CWF19L2: variants seen among roughly 807,000 people sequenced by gnomAD.
The protein encoded by CWF19L2 is CWF19 like cell cycle control factor 2.
CWF19L2 carries 98 observed loss-of-function variants against 111.7 expected under a neutral mutation model. The observed-to-expected ratio is 0.88, with a 90% CI of 0.75 to 1.04. The LOEUF (loss-of-function observed/expected upper bound fraction) is 1.04. CWF19L2 is among the 50% of genes least tolerant of loss of function. The pLI is 0.00. For missense variants in CWF19L2, 1,101 were observed against 1,051.4 expected, an observed-to-expected ratio of 1.05 and a Z score of -0.65; for synonymous variants, 351 against 342.9, an observed-to-expected ratio of 1.02 and a Z score of -0.26.
intron 14 of CWF19L2, among the ~76,000 whole-genome samples, chr11:107,346,102 T>C (rs1860076069): frequency 6.6e-6 from 1 of 152,202 alleles, no homozygotes; most frequent in African/African-American, 2.4e-5. Context: ...GGTCCTTTTG[T>C]ATCACCACAG....
intron 8 of CWF19L2, among the ~76,000 whole-genome samples, chr11:107,421,162 A>G (rs1305430144): frequency 1.3e-5 from 2 of 152,112 alleles, no homozygotes. Flanking sequence ...CTCAACTATA[A>G]TACTTGGAAA....
chr11:107,408,735 T>G (rs1861116291), intron 10 of CWF19L2, among the ~76,000 whole-genome samples: 1 of 151,928 alleles, frequency 6.6e-6, no homozygotes, highest in South Asian at 2.1e-4. Context: ...CCTTTTTTAC[T>G]TGGCTGGGGA....
At chr11:107,392,096 C>T (rs1860856934) in intron 11 of CWF19L2, among the ~76,000 whole-genome samples, 1 of 152,278 alleles carries the variant, frequency 6.6e-6, no homozygotes, top group South Asian at 2.1e-4. Context: ...CATATCCATC[C>T]CACTTCTATT....
intron 11 of CWF19L2, among the ~76,000 whole-genome samples, chr11:107,392,178 A>C (rs1860858495): frequency 6.6e-6 from 1 of 152,204 alleles, no homozygotes; most frequent in South Asian, 2.1e-4. Context: ...TTTGACAGAA[A>C]TATTCTGAAT....
intron 12 of CWF19L2, among the ~76,000 whole-genome samples, chr11:107,367,171 G>C (rs11212188): frequency 0.062 from 6,510 of 105,130 alleles, 276 homozygotes; most frequent in Middle Eastern, 0.15. Flanking sequence ...AAAAAGTCAG[G>C]AAACAACAGG....
intron 12 of CWF19L2, among the ~76,000 whole-genome samples, chr11:107,358,433 C>T (rs1439474762): frequency 6.6e-6 from 1 of 151,894 alleles, no homozygotes; most frequent in African/African-American, 2.4e-5. Context: ...TGTCCTGGGC[C>T]ACATGTGGCC....
At chr11:107,438,054 T>C (rs1565284886) in intron 6 of CWF19L2, among the ~76,000 whole-genome samples, 2 of 152,134 alleles carry the variant, frequency 1.3e-5, no homozygotes, top group Admixed American at 1.3e-4. Flanking sequence ...TTTAGTAAAA[T>C]TGCTAAATTA....
At chr11:107,380,222 A>T (rs1860664619) in intron 12 of CWF19L2, among the ~76,000 whole-genome samples, 1 of 152,134 alleles carries the variant, frequency 6.6e-6, no homozygotes, top group Non-Finnish European at 1.5e-5. Context: ...AATAGACTGC[A>T]GTCTAATTCT....
At chr11:107,443,933 CT>C (rs1861667099) in intron 3 of CWF19L2, among the ~76,000 whole-genome samples, 1 of 152,144 alleles carries the variant, frequency 6.6e-6, no homozygotes, top group African/African-American at 2.4e-5. Flanking sequence ...TGTGCCTATC[CT>C]TATTTCCAGT....
At chr11:107,327,785 G>A (rs1390132464) in intron 17 of CWF19L2, among the ~76,000 whole-genome samples, 1 of 152,012 alleles carries the variant, frequency 6.6e-6, no homozygotes, top group Non-Finnish European at 1.5e-5. Context: ...ATGCTTAGAG[G>A]GAGGGCAGTA....
At chr11:107,422,407 G>A (rs879841914) in intron 8 of CWF19L2, among the ~76,000 whole-genome samples, 9 of 152,052 alleles carry the variant, frequency 5.9e-5, no homozygotes, top group African/African-American at 9.7e-5. Context: ...AAAGAAAGCA[G>A]ATGTGGTTGC....
chr11:107,416,171 C>T (rs1591192096), intron 10 of CWF19L2, 38 bp downstream of exon 10: 1 of 639,168 alleles, frequency 1.6e-6, no homozygotes, highest in East Asian at 3.5e-5. Flanking sequence ...TGGTAGTTTA[C>T]ACAAGGTAAT....
intron 7 of CWF19L2, among the ~76,000 whole-genome samples, chr11:107,433,110 T>A (rs1861487553): frequency 6.6e-6 from 1 of 152,146 alleles, no homozygotes; most frequent in African/African-American, 2.4e-5. Flanking sequence ...ATCTTACTAC[T>A]TTCTAAACCT....
intron 10 of CWF19L2, among the ~76,000 whole-genome samples, chr11:107,405,005 T>C (rs1362970761): frequency 6.6e-6 from 1 of 152,220 alleles, no homozygotes; most frequent in Non-Finnish European, 1.5e-5. Context: ...GGCTTAAGAA[T>C]CTGTATCAGT....
intron 10 of CWF19L2, among the ~76,000 whole-genome samples, chr11:107,407,854 T>C (rs909982888): frequency 8.5e-5 from 13 of 152,066 alleles, no homozygotes; most frequent in Non-Finnish European, 2.9e-5. Context: ...AAAAATTTTT[T>C]AACTACCCCA....
intron 7 of CWF19L2, among the ~76,000 whole-genome samples, chr11:107,433,045 T>C (rs1313525446): frequency 6.6e-6 from 1 of 152,216 alleles, no homozygotes; most frequent in Non-Finnish European, 1.5e-5. Flanking sequence ...GGGCATATTC[T>C]ACGAGTCTAC....
At chr11:107,337,331 T>C (rs527557169) in intron 14 of CWF19L2, among the ~76,000 whole-genome samples, 6 of 151,272 alleles carry the variant, frequency 4.0e-5, no homozygotes, top group Non-Finnish European at 7.4e-5. Flanking sequence ...TATACAACTA[T>C]ACACACAAAT....
chr11:107,445,905 G>A (rs1264017693), intron 3 of CWF19L2, among the ~76,000 whole-genome samples: 1 of 152,124 alleles, frequency 6.6e-6, no homozygotes, highest in Non-Finnish European at 1.5e-5. Context: ...ATGATCAAGT[G>A]TCCAATTAGA....
chr11:107,349,146 T>G, intron 13 of CWF19L2, 93 bp from the exon 14 acceptor site: 1 of 496,580 alleles, frequency 2.0e-6, no homozygotes, highest in East Asian at 3.5e-5. Flanking sequence ...TTGTAACAGA[T>G]GAGCCCCTAG....
Sources: gnomAD v4.1 joint callset for allele counts (sites outside exome capture counted in the v4.1 genomes callset) on GRCh38, gnomAD v4.1.1 for gene constraint, MANE v1.5 for transcripts, NCBI Gene and HGNC (gene_info 2026-07-23, HGNC 2026-07-21) for gene names.